PKD2: variants seen among roughly 807,000 people sequenced by gnomAD.
PKD2 encodes polycystin-2.
PKD2 carries 48 observed loss-of-function variants against 105.9 expected under a neutral mutation model. The ratio of observed to expected loss-of-function variants is 0.45; its 90% confidence interval spans 0.36 to 0.58. The LOEUF (loss-of-function observed/expected upper bound fraction) is 0.58, where lower values mean the gene tolerates loss of function less well. PKD2 is among the 20% of genes least tolerant of loss of function. The pLI, the probability that PKD2 is intolerant of heterozygous loss-of-function variation, is 0.00. For synonymous variants in PKD2, 464 were observed against 481.1 expected (o/e 0.96, Z 0.46); for missense variants, 1,078 against 1,255.3 (o/e 0.86, Z 2.13).
intron 8 of PKD2, 91 bp from the exon 9 acceptor site, chr4:88,057,892 C>T (rs1720423207): frequency 1.9e-6 from 2 of 1,064,514 alleles, no homozygotes; most frequent in Admixed American, 3.4e-5. Flanking sequence ...CTAAAAGGTC[C>T]AAAAATAATG....
chr4:88,007,743 T>C lies in PKD2; in HGVS notation c.10T>C (p.Ser4Pro). The change falls in exon 1 of 15, where the codon TCC becomes CCC. Residue 4 changes from serine to proline, a missense_variant. Ser to Pro is a moderately conservative substitution (Grantham distance 74, BLOSUM62 -1). Transcript: ENST00000237596. MVN[S>P]SRVQPQQPGD... is the part of the protein sequence containing the mutation. ...GACGCCAGTGACCGCGATGGTGAACTCCAGTCGCGTGCAGCCTCAGCAGCC... is the reference window on the plus strand; with the variant it reads ...GACGCCAGTGACCGCGATGGTGAACCCCAGTCGCGTGCAGCCTCAGCAGCC... The C allele has an allele frequency of 8.3e-7, 1 of 1,204,704 alleles. No individual in the cohort carries two copies. The highest frequency in any genetic ancestry group is 1.0e-6 in the Non-Finnish European group (1 of 958,276). The allele number at this position is 1,204,704 out of a possible 1,614,324, so 74.6% of individuals were successfully genotyped here.
At chr4:88,060,855 A>G (rs540089397) in intron 9 of PKD2, among the ~76,000 whole-genome samples, 1 of 152,334 alleles carries the variant, frequency 6.6e-6, no homozygotes, top group East Asian at 1.9e-4. Context: ...AGCACTTTAC[A>G]TAGATTGTCT....
intron 2 of PKD2, among the ~76,000 whole-genome samples, chr4:88,029,496 C>G (rs1359149314): frequency 2.0e-5 from 3 of 152,140 alleles, no homozygotes; most frequent in Admixed American, 2.0e-4. Context: ...GCCATGCTCT[C>G]TAGTTCACCT....
intron 10 of PKD2, among the ~76,000 whole-genome samples, chr4:88,064,776 G>A (rs997381644): frequency 5.3e-5 from 8 of 151,626 alleles, no homozygotes; most frequent in Non-Finnish European, 1.0e-4. Context: ...TGTAGTCCCA[G>A]CTACTTGTTG....
intron 1 of PKD2, among the ~76,000 whole-genome samples, chr4:88,009,649 C>G (rs1268643018): frequency 6.6e-6 from 1 of 152,156 alleles, no homozygotes; most frequent in Non-Finnish European, 1.5e-5. Context: ...TATGGAGATT[C>G]TTATACTAGT....
rs1726676490 is a variant in PKD2, at chr4:88,019,504, G to A, written c.642G>A (p.Glu214=). ...RLMEESSTNR[E]KYLKSVLREL... is the part of the protein sequence containing the mutation. ...TGGAGGAAAGCAGCACTAACCGAGA[G>A]AAATACCTTAAAAGTGTTTTACGGG... is the stretch of plus-strand genomic sequence containing the variant. Residue 214 remains glutamate, a synonymous_variant, in exon 2 of 15, where the codon GAG becomes GAA. Coordinates refer to ENST00000237596, the MANE Select transcript of PKD2 (RefSeq NM_000297.4). The A allele has an allele frequency of 6.2e-7, 1 of 1,608,690 alleles. No homozygotes were observed. The highest frequency in any genetic ancestry group is 1.7e-5 in the Admixed American group (1 of 59,990).
chr4:88,025,200 A>G (rs1398356426), intron 2 of PKD2, among the ~76,000 whole-genome samples: 1 of 152,104 alleles, frequency 6.6e-6, no homozygotes, highest in African/African-American at 2.4e-5. Context: ...GCTCATGCTT[A>G]TAATCCCAGT....
intron 13 of PKD2, among the ~76,000 whole-genome samples, chr4:88,074,381 G>A (rs959060662): frequency 2.0e-5 from 3 of 152,086 alleles, no homozygotes; most frequent in African/African-American, 7.2e-5. Context: ...CAAGCGATCT[G>A]CACACTTCCG....
At chr4:88,046,516 T>C in intron 5 of PKD2, 126 bp from the exon 6 acceptor site, 1 of 724,730 alleles carries the variant, frequency 1.4e-6, no homozygotes, top group South Asian at 1.4e-5. Context: ...TGCCGCTAGT[T>C]TGGGGGGACT....
chr4:88,060,179 A>G (rs901323199), intron 9 of PKD2, among the ~76,000 whole-genome samples: 1 of 152,180 alleles, frequency 6.6e-6, no homozygotes. Context: ...GTTAACAGCC[A>G]CTTGGAAGCA....
intron 1 of PKD2, among the ~76,000 whole-genome samples, chr4:88,018,334 A>T (rs1167696581): frequency 1.3e-5 from 2 of 152,246 alleles, no homozygotes; most frequent in Non-Finnish European, 2.9e-5. Flanking sequence ...ATGAACACTA[A>T]TGATGAACTC....
intron 2 of PKD2, among the ~76,000 whole-genome samples, chr4:88,030,676 G>A (rs77275187): frequency 0.021 from 3,232 of 152,264 alleles, 114 homozygotes; most frequent in African/African-American, 0.074. Context: ...CACCCGAACC[G>A]GCCCCCTCCT....
At chr4:88,049,770 T>G (rs1719970526) in intron 6 of PKD2, among the ~76,000 whole-genome samples, 1 of 152,188 alleles carries the variant, frequency 6.6e-6, no homozygotes, top group Non-Finnish European at 1.5e-5. Flanking sequence ...AATCACATCT[T>G]GAAATCACTT....
At chr4:88,036,632 C>T (rs940394045) in intron 3 of PKD2, among the ~76,000 whole-genome samples, 1 of 151,970 alleles carries the variant, frequency 6.6e-6, no homozygotes, top group Non-Finnish European at 1.5e-5. Flanking sequence ...AAGACTATGC[C>T]CTAGTTTGTT....
chr4:88,057,577 G>A (rs1489719160), intron 8 of PKD2, among the ~76,000 whole-genome samples: 1 of 151,418 alleles, frequency 6.6e-6, no homozygotes, highest in Non-Finnish European at 1.5e-5. Flanking sequence ...CTGAGATTAT[G>A]GGCGCACGCC....
chr4:88,010,859 T>TGTTTGAG (rs1726359995), intron 1 of PKD2, among the ~76,000 whole-genome samples: 1 of 152,206 alleles, frequency 6.6e-6, no homozygotes, highest in Non-Finnish European at 1.5e-5. Context: ...AGTAAAATAG[T>TGTTTGAG]AAAGAAAGAA....
chr4:88,059,819 A>G (rs1236133750), intron 9 of PKD2, among the ~76,000 whole-genome samples: 2 of 152,112 alleles, frequency 1.3e-5, no homozygotes, highest in African/African-American at 2.4e-5. Flanking sequence ...TTTCAATACA[A>G]ACCTGTCTTT....
intron 2 of PKD2, among the ~76,000 whole-genome samples, chr4:88,024,411 T>C (rs1293611193): frequency 7.7e-6 from 1 of 129,354 alleles, no homozygotes; most frequent in Admixed American, 9.3e-5. Flanking sequence ...GAGCCAAGAT[T>C]GTACCACTGC....
chr4:88,015,550 C>T (rs765363135), intron 1 of PKD2, among the ~76,000 whole-genome samples: 10 of 151,938 alleles, frequency 6.6e-5, no homozygotes, highest in Non-Finnish European at 7.4e-5. Flanking sequence ...GTAGCTGGGA[C>T]TACAGCCTCC....
Sources: allele counts gnomAD v4.1 joint callset (sites outside exome capture counted in the v4.1 genomes callset), GRCh38; gene constraint gnomAD v4.1.1; transcripts MANE v1.5; gene names NCBI Gene and HGNC (gene_info 2026-07-23, HGNC 2026-07-21).